Variants in ZNF782 observed in about 807,000 individuals in gnomAD.
ZNF782 encodes zinc finger protein 782.
ZNF782 carries 12 observed loss-of-function variants against 13.0 expected under a neutral mutation model. That is an observed-to-expected ratio of 0.92 (90% CI 0.59 to 1.50). The LOEUF is 1.50. Among genes scored for constraint, ZNF782 ranks in the 40% most tolerant of loss-of-function variants. The probability of loss-of-function intolerance (pLI) is 0.00; values close to 1 mark genes in which losing one functional copy is unlikely to be tolerated. For synonymous variants in ZNF782, 284 were observed against 283.0 expected (o/e 1.00, Z -0.04); for missense variants, 770 against 822.9 (o/e 0.94, Z 0.79).
In ZNF782 at chr9:96,850,461, T is replaced by C. The variant is rs1485419617; in HGVS notation, c.15+1486A>G. 6.6e-6 allele frequency among the ~76,000 whole-genome samples: 1 copy of C among 152,068 alleles called. No homozygotes were observed. The highest frequency in any genetic ancestry group is 1.5e-5 in the Non-Finnish European group (1 of 68,014). On this transcript the variant is annotated intron_variant, in intron 3 of 5. Coordinates refer to ENST00000481138, the MANE Select transcript of ZNF782 (RefSeq NM_001001662.3). The surrounding 1 kb of genome is among the most constrained non-coding windows in gnomAD (Gnocchi z 4.3). ...GCTAAGTTATGAGTATGCAAAGGCA[T>C]ACAGAGTGACATAATGGACTTTAGA...
Position 96,826,994 on chromosome 9 carries a change from T to G in ZNF782, c.244+86A>C, listed in dbSNP as rs556391329. ...TTGTATTTTTTCAGTGTATAAATTT[T>G]AACCATTATTATGACTATACGCTGA... On this transcript the variant is annotated intron_variant, in intron 5 of 5. Coordinates refer to ENST00000481138, the MANE Select transcript of ZNF782 (RefSeq NM_001001662.3). 2.7e-5 allele frequency: 22 copies of G among 827,218 alleles called. 1 individual carries two copies. The South Asian group carries it at 4.9e-4, about 18-fold the overall frequency. 51.2% of individuals were successfully genotyped at this position (827,218 alleles called of 1,614,324 possible).
chr9:96,906,357 C>A, the ZNF782 span, among the ~76,000 whole-genome samples: 11 of 148,844 alleles, frequency 7.4e-5, no homozygotes. Flanking sequence ...ACACTATCTA[C>A]CTGGAGAGAG....
chr9:96,893,999 C>CAAAAAAAAAAAAAAAAAAA, the ZNF782 span: 11 of 48,880 alleles, frequency 2.3e-4, no homozygotes, highest in East Asian at 2.5e-3. Flanking sequence ...GACTCCGTCT[C>CAAAAAAAAAAAAAAAAAAA]AAAAAAAAAA....
the ZNF782 span, among the ~76,000 whole-genome samples, chr9:96,924,774 T>C: frequency 1.5e-4 from 23 of 152,238 alleles, no homozygotes. Context: ...TTTTGCATTG[T>C]TTGGAATGTG....
intron 1 of ZNF782, among the ~76,000 whole-genome samples, chr9:96,866,289 T>G (rs1404918899): frequency 6.6e-6 from 1 of 152,178 alleles, no homozygotes; most frequent in Non-Finnish European, 1.5e-5. Context: ...TCTAGGAACT[T>G]GGCGCCCTGT....
At chr9:96,866,557 T>A (rs1173947917) in intron 1 of ZNF782, among the ~76,000 whole-genome samples, 1 of 152,044 alleles carries the variant, frequency 6.6e-6, no homozygotes, top group Non-Finnish European at 1.5e-5. Context: ...GGAAGGGAAA[T>A]GTGGGGTCGG....
intron 1 of ZNF782, among the ~76,000 whole-genome samples, chr9:96,872,093 T>TA (rs1851835904): frequency 6.6e-6 from 1 of 152,170 alleles, no homozygotes; most frequent in Non-Finnish European, 1.5e-5. Context: ...CCTTACCTCC[T>TA]AAAAAAATTA....
chr9:96,899,729 C>A, the ZNF782 span, among the ~76,000 whole-genome samples: 2 of 152,176 alleles, frequency 1.3e-5, no homozygotes, highest in Non-Finnish European at 2.9e-5. Context: ...AGATGGTAAA[C>A]CTCCAACTCT....
intron 4 of ZNF782, among the ~76,000 whole-genome samples, chr9:96,839,313 G>A (rs1002952193): frequency 1.4e-5 from 2 of 143,986 alleles, no homozygotes; most frequent in African/African-American, 5.1e-5. Flanking sequence ...GTACCAATTG[G>A]TGTTTCAGGC....
At chr9:96,916,297 T>C in the ZNF782 span, among the ~76,000 whole-genome samples, 1 of 151,886 alleles carries the variant, frequency 6.6e-6, no homozygotes, top group Non-Finnish European at 1.5e-5. Flanking sequence ...TCGAGACCAG[T>C]CTGGCCAACA....
At position 96,850,084 on chromosome 9, in the gene ZNF782, A is replaced by G. The variant is rs919078491; in HGVS notation, c.15+1863T>C. Reference sequence around the variant, plus strand: ...AGGAATGTAAATTAGGACAACCTCTATGGAAAAAGTATGGAGATTCCTTAA... The same window carrying G: ...AGGAATGTAAATTAGGACAACCTCTGTGGAAAAAGTATGGAGATTCCTTAA... On this transcript the variant is annotated intron_variant, in intron 3 of 5. Coordinates refer to ENST00000481138, the MANE Select transcript of ZNF782 (RefSeq NM_001001662.3). This position sits in a 1 kb window ranked among gnomAD's most constrained non-coding sequence, Gnocchi z 4.3. Among the ~76,000 whole-genome samples, 1 of 152,242 alleles carries G rather than the reference A, an allele frequency of 6.6e-6. No homozygotes were observed. Among genetic ancestry groups the G allele is most frequent in the African/African-American group, 2.4e-5 (1 of 41,470 alleles).
intron 1 of ZNF782, among the ~76,000 whole-genome samples, chr9:96,872,306 G>C (rs545982478): frequency 6.6e-6 from 1 of 152,166 alleles, no homozygotes; most frequent in African/African-American, 2.4e-5. Flanking sequence ...GCCAAGGCAG[G>C]TAGTTCAGAA....
chr9:96,887,504 G>A, the ZNF782 span: 1 of 152,142 alleles, frequency 6.6e-6, no homozygotes, highest in South Asian at 2.1e-4. Flanking sequence ...AACCAAACAT[G>A]ATACAACATT....
intron 3 of ZNF782, among the ~76,000 whole-genome samples, chr9:96,847,186 TAAGAG>T (rs1851364657): frequency 6.6e-6 from 1 of 152,110 alleles, no homozygotes; most frequent in South Asian, 2.1e-4. Context: ...AAAGCAGTGC[TAAGAG>T]AAAAGTTTAT....
upstream of ZNF782, among the ~76,000 whole-genome samples, chr9:96,879,101 CTG>C (rs1851930707): frequency 6.6e-6 from 1 of 152,184 alleles, no homozygotes; most frequent in South Asian, 2.1e-4. Context: ...TGAAAACCTG[CTG>C]TGTGACAGGC....
the ZNF782 span, among the ~76,000 whole-genome samples, chr9:96,902,325 G>A: frequency 1.1e-4 from 16 of 140,638 alleles, no homozygotes; most frequent in African/African-American, 4.7e-4. Flanking sequence ...TTGGGAGGCT[G>A]AGGCAGGAGA....
Position 96,819,373 on chromosome 9 carries a change from T to G in ZNF782, c.650A>C (p.Tyr217Ser), listed in dbSNP as rs552983989. ...AAGAAAAGCTTTTCTACTTTCATTATATTCAAAATCTTGCCCCAGAGTCTG... is the reference window on the plus strand; with the variant it reads ...AAGAAAAGCTTTTCTACTTTCATTAGATTCAAAATCTTGCCCCAGAGTCTG... ...TIQTLGQDFEYNESRKAFLEK... is the reference protein window; with the variant it reads ...TIQTLGQDFESNESRKAFLEK... The change falls in exon 6 of 6, where the codon TAT (tyrosine) becomes TCT (serine). Residue 217 changes from tyrosine (Y) to serine (S), a missense_variant. Coordinates refer to ENST00000481138, the MANE Select transcript of ZNF782 (RefSeq NM_001001662.3). 1 of 1,603,278 alleles carries G rather than the reference T, an allele frequency of 6.2e-7. No homozygotes were observed. Among genetic ancestry groups the G allele is most frequent in the Non-Finnish European group, 8.5e-7 (1 of 1,175,894 alleles).
chr9:96,911,007 T>A, the ZNF782 span, among the ~76,000 whole-genome samples: 1 of 148,212 alleles, frequency 6.7e-6, no homozygotes, highest in Non-Finnish European at 1.5e-5. Flanking sequence ...TATATTTTTG[T>A]ACATATTGTT....
At chr9:96,855,087 T>C (rs1851622728), upstream of ZNF782, among the ~76,000 whole-genome samples, 1 of 152,208 alleles carries the variant, frequency 6.6e-6, no homozygotes, top group South Asian at 2.1e-4. Context: ...GCGTGAGGGT[T>C]CTAAGGCGGG....
Sources: gnomAD v4.1 joint callset for allele counts (sites outside exome capture counted in the v4.1 genomes callset) on GRCh38, gnomAD v4.1.1 for gene constraint, Gnocchi (gnomAD v3.1) non-coding constraint, MANE v1.5 for transcripts, NCBI Gene and HGNC (gene_info 2026-07-23, HGNC 2026-07-21) for gene names.